MYO16: variants seen among roughly 807,000 people sequenced by gnomAD.
MYO16 encodes myosin XVI.
MYO16 carries 94 observed loss-of-function variants against 205.3 expected under a neutral mutation model. The observed-to-expected ratio is 0.46, with a 90% CI of 0.39 to 0.54. The LOEUF is 0.54. Ranked by LOEUF, MYO16 falls within the 20% of genes least tolerant of loss-of-function variation. The pLI, the probability that MYO16 is intolerant of heterozygous loss-of-function variation, is 0.00. For synonymous variants in MYO16, 988 were observed against 954.0 expected (o/e 1.04, Z -0.66); for missense variants, 2,315 against 2,387.5 (o/e 0.97, Z 0.63).
At chr13:108,910,558 T>C (rs921396738) in intron 16 of MYO16, among the ~76,000 whole-genome samples, 5 of 152,222 alleles carry the variant, frequency 3.3e-5, no homozygotes, top group Non-Finnish European at 5.9e-5. Context: ...ACAGCACACA[T>C]AACCTCAGGG....
chr13:108,599,782 C>T (rs909130125), intron 1 of MYO16, among the ~76,000 whole-genome samples: 1 of 152,188 alleles, frequency 6.6e-6, no homozygotes, highest in Non-Finnish European at 1.5e-5. Flanking sequence ...CTGTCTGTCT[C>T]ACAAAACTCA....
chr13:109,099,811 C>T (rs1326034958), intron 27 of MYO16, among the ~76,000 whole-genome samples: 1 of 152,168 alleles, frequency 6.6e-6, no homozygotes, highest in Non-Finnish European at 1.5e-5. Flanking sequence ...GATGTGTAGG[C>T]AAAACACTCC....
chr13:108,721,490 A>T (rs1884160449), intron 3 of MYO16, among the ~76,000 whole-genome samples: 1 of 152,088 alleles, frequency 6.6e-6, no homozygotes, highest in South Asian at 2.1e-4. Context: ...TTCAGGAGGG[A>T]TGACATTTTG....
chr13:108,727,458 G>T lies in MYO16; in HGVS notation c.382G>T (p.Ala128Ser), dbSNP rs766497298. The change falls in exon 4 of 35, where the codon GCC (alanine) becomes TCC (serine). Residue 128 changes from alanine to serine, a missense_variant. By Grantham distance (99) the Ala-to-Ser change is moderately conservative. This residue lies in a region of MYO16 where 1,213 missense variants were observed against 1,274.4 expected (regional missense o/e 0.95). Transcript: ENST00000457511. ...CTTTTAGTGTGCTCGGTATGATAAT[G>T]CCTTCATTGCAGAAATTCTGATTGA... ...LLHLCARYDN[A>S]FIAEILIDRG... is the part of the protein sequence containing the mutation. The T allele has an allele frequency of 1.8e-5, 29 of 1,613,536 alleles. No homozygotes were observed. The highest frequency in any genetic ancestry group is 5.0e-5 in the Admixed American group (3 of 59,950).
chr13:109,124,453 T>C (rs1334869069), intron 29 of MYO16, among the ~76,000 whole-genome samples: 3 of 152,366 alleles, frequency 2.0e-5, no homozygotes, highest in South Asian at 4.1e-4. Flanking sequence ...AATGACGCAA[T>C]AGAGTGTCTT....
intron 1 of MYO16, among the ~76,000 whole-genome samples, chr13:108,599,260 G>A (rs946430588): frequency 1.6e-4 from 24 of 149,420 alleles, no homozygotes; most frequent in African/African-American, 5.7e-4. Context: ...ATTTGGGTTG[G>A]TTCCAAGTCT....
chr13:108,972,336 A>ATG (rs67167400), intron 20 of MYO16, among the ~76,000 whole-genome samples: 1,215 of 5,484 alleles, frequency 0.22, 102 homozygotes, highest in Non-Finnish European at 0.42. Context: ...CCATCTATAT[A>ATG]TATATATATA....
chr13:108,710,598 C>T (rs1352243043), intron 2 of MYO16, among the ~76,000 whole-genome samples: 1 of 152,126 alleles, frequency 6.6e-6, no homozygotes, highest in Non-Finnish European at 1.5e-5. Flanking sequence ...TCACAAACCC[C>T]CATGAAATGA....
At chr13:108,847,832 C>T (rs867424445) in intron 10 of MYO16, among the ~76,000 whole-genome samples, 2 of 152,096 alleles carry the variant, frequency 1.3e-5, no homozygotes, top group Admixed American at 6.6e-5. Context: ...CATCCCTCCC[C>T]GACCTCCTGG....
chr13:109,026,312 C>G (rs942184011), intron 23 of MYO16, among the ~76,000 whole-genome samples: 1 of 151,836 alleles, frequency 6.6e-6, no homozygotes, highest in Non-Finnish European at 1.5e-5. Flanking sequence ...CGTCCAAAAC[C>G]TACTCTAAAA....
chr13:108,735,423 C>T (rs1421539770), intron 4 of MYO16, among the ~76,000 whole-genome samples: 1 of 152,014 alleles, frequency 6.6e-6, no homozygotes, highest in Non-Finnish European at 1.5e-5. Flanking sequence ...CATCCATGTC[C>T]CTACAAAGGA....
intron 21 of MYO16, among the ~76,000 whole-genome samples, chr13:108,997,272 T>C (rs1885033524): frequency 6.8e-6 from 1 of 146,302 alleles, no homozygotes; most frequent in Non-Finnish European, 1.5e-5. Flanking sequence ...CCCATCTGGG[T>C]GACAGAACAA....
chr13:108,655,017 A>T (rs1881179546), intron 1 of MYO16, among the ~76,000 whole-genome samples: 1 of 152,240 alleles, frequency 6.6e-6, no homozygotes, highest in Non-Finnish European at 1.5e-5. Context: ...GTGCAGCCTG[A>T]TGATGCGTAG....
At chr13:109,020,014 A>G in intron 23 of MYO16, 103 bp downstream of exon 23, 1 of 1,199,996 alleles carries the variant, frequency 8.3e-7, no homozygotes, top group East Asian at 2.5e-5. Context: ...TATTTGGATA[A>G]ATGGAAGCTG....
chr13:109,094,497 C>T (rs1271044046), intron 27 of MYO16, among the ~76,000 whole-genome samples: 1 of 152,226 alleles, frequency 6.6e-6, no homozygotes, highest in East Asian at 1.9e-4. Flanking sequence ...AGGCGTGAGC[C>T]ACTGTTCCCA....
intron 9 of MYO16, among the ~76,000 whole-genome samples, chr13:108,829,362 G>A (rs371642601): frequency 2.0e-5 from 3 of 152,214 alleles, no homozygotes; most frequent in Admixed American, 6.5e-5. Context: ...CTTTGAACTG[G>A]CAGCAAAAGC....
the MYO16 span, among the ~76,000 whole-genome samples, chr13:108,574,721 AT>A: frequency 7.7e-6 from 1 of 129,998 alleles, no homozygotes; most frequent in African/African-American, 3.0e-5. Flanking sequence ...GCTTGTGTGT[AT>A]TTGTATATGT....
At chr13:109,010,432 TA>T (rs1177087436) in intron 22 of MYO16, among the ~76,000 whole-genome samples, 4 of 152,300 alleles carry the variant, frequency 2.6e-5, no homozygotes, top group African/African-American at 7.2e-5. Context: ...TAATAATGCT[TA>T]AAAAATGTTG....
the MYO16 span, among the ~76,000 whole-genome samples, chr13:108,591,007 G>T: frequency 3.9e-5 from 6 of 152,232 alleles, no homozygotes; most frequent in African/African-American, 1.4e-4. Context: ...AGACAAAGAA[G>T]TTCAGTCCTT....
Sources: allele counts gnomAD v4.1 joint callset (sites outside exome capture counted in the v4.1 genomes callset), GRCh38; gene constraint gnomAD v4.1.1; regional missense constraint gnomAD v4.1.1; transcripts MANE v1.5; gene names NCBI Gene and HGNC (gene_info 2026-07-23, HGNC 2026-07-21).